Variants in DYNLT1 observed in about 807,000 individuals in gnomAD.
DYNLT1 encodes the protein dynein light chain Tctex-type 1.
DYNLT1 carries 18 observed loss-of-function variants against 19.6 expected under a neutral mutation model. That is an observed-to-expected ratio of 0.92 (90% CI 0.64 to 1.36). The LOEUF (loss-of-function observed/expected upper bound fraction) is 1.36. Among genes scored for constraint, DYNLT1 ranks in the 40% most tolerant of loss-of-function variants. DYNLT1 has a pLI of 0.00. For synonymous variants in DYNLT1, 56 were observed against 44.0 expected (o/e 1.27, Z -1.07); for missense variants, 137 against 139.3 (o/e 0.98, Z 0.08).
chr6:158,637,047 ATGCAT>A (rs1184642831), intron 4 of DYNLT1, 76 bp downstream of exon 4: 3 of 1,570,722 alleles, frequency 1.9e-6, no homozygotes, highest in Non-Finnish European at 2.6e-6. Context: ...GGTGATAAAC[ATGCAT>A]TGCATTCAAA....
At chr6:158,642,194 T>A (rs1787149775) in intron 1 of DYNLT1, 1 of 152,242 alleles carries the variant, frequency 6.6e-6, no homozygotes, top group Non-Finnish European at 1.5e-5. Flanking sequence ...ACTCCAGGAC[T>A]AACCACCAGC....
At chr6:158,638,992 G>A (rs1415899305) in intron 2 of DYNLT1, among the ~76,000 whole-genome samples, 2 of 152,122 alleles carry the variant, frequency 1.3e-5, no homozygotes, top group Non-Finnish European at 2.9e-5. Flanking sequence ...AGGAACCTGA[G>A]TTTCTATGAC....
rs1787006601 is a variant in DYNLT1, at chr6:158,636,746, A to G, written c.*81T>C. On this transcript the variant is annotated 3_prime_UTR_variant, in exon 5 of 5. Coordinates refer to ENST00000367089, the MANE Select transcript of DYNLT1 (RefSeq NM_006519.4). ...GTGCCACAAAACAAAGAGAATGAGAAAAGAGTTCACTGAATTCATGGCTGG... is the reference window on the plus strand; with the variant it reads ...GTGCCACAAAACAAAGAGAATGAGAGAAGAGTTCACTGAATTCATGGCTGG... 1 of 1,448,468 alleles carries G rather than the reference A, an allele frequency of 6.9e-7. No individual in the cohort carries two copies. The highest frequency in any genetic ancestry group is 9.4e-7 in the Non-Finnish European group (1 of 1,060,658). 89.7% of individuals were successfully genotyped at this position (1,448,468 alleles called of 1,614,324 possible). A position where few individuals can be genotyped will look rare whatever the true frequency, so the allele number is the denominator to read the frequency against.
At chr6:158,637,972 C>A (rs1787053531) in intron 2 of DYNLT1, 78 bp from the exon 3 acceptor site, 1 of 1,555,160 alleles carries the variant, frequency 6.4e-7, no homozygotes, top group African/African-American at 1.4e-5. Context: ...CTGACGGCAC[C>A]CCAAGAAGTG....
intron 1 of DYNLT1, chr6:158,642,695 C>T (rs1002285989): frequency 2.6e-5 from 4 of 152,212 alleles, no homozygotes; most frequent in African/African-American, 9.7e-5. Flanking sequence ...TAAGTCATTT[C>T]TGGAAGCTTA....
intron 1 of DYNLT1, among the ~76,000 whole-genome samples, chr6:158,644,205 G>C (rs1787263450): frequency 6.6e-6 from 1 of 151,988 alleles, no homozygotes; most frequent in South Asian, 2.1e-4. Flanking sequence ...CGGGGCGGAG[G>C]GGCTGGCGGC....
intron 3 of DYNLT1, 131 bp downstream of exon 3, chr6:158,637,640 C>CA (rs1410594821): frequency 2.1e-6 from 3 of 1,426,088 alleles, no homozygotes; most frequent in Non-Finnish European, 3.0e-6. Context: ...GTATACTACA[C>CA]ACACGACCGA....
chr6:158,637,046 C>T, intron 4 of DYNLT1, 82 bp downstream of exon 4: 4 of 1,569,620 alleles, frequency 2.5e-6, no homozygotes, highest in African/African-American at 1.4e-5. Flanking sequence ...AGGTGATAAA[C>T]ATGCATTGCA....
intron 1 of DYNLT1, chr6:158,642,849 A>G (rs906111981): frequency 6.6e-6 from 1 of 152,248 alleles, no homozygotes; most frequent in Non-Finnish European, 1.5e-5. Context: ...AATCCAGTGG[A>G]TAGTTTTAAC....
At chr6:158,640,528 C>T (rs555875472) in intron 2 of DYNLT1, among the ~76,000 whole-genome samples, 80 of 152,274 alleles carry the variant, frequency 5.3e-4, no homozygotes, top group African/African-American at 1.8e-3. Context: ...GCCACACCCA[C>T]CTCCTTTCAC....
intron 3 of DYNLT1, 109 bp from the exon 4 acceptor site, chr6:158,637,314 C>A: frequency 2.0e-6 from 2 of 980,356 alleles, no homozygotes; most frequent in Non-Finnish European, 3.1e-6. Context: ...GGTTGATGTT[C>A]TCGATAAAAA....
intron 3 of DYNLT1, 140 bp downstream of exon 3, chr6:158,637,631 T>C: frequency 7.5e-7 from 1 of 1,328,830 alleles, no homozygotes; most frequent in Non-Finnish European, 1.1e-6. Flanking sequence ...TACGCTAACG[T>C]ATACTACACA....
chr6:158,641,389 G>T lies in DYNLT1; in HGVS notation c.28-29C>A. On this transcript the variant is annotated intron_variant, in intron 1 of 4. Transcript: ENST00000367089. ...TAAGGAAGAACATTCAGTTAAGTTTGATTTATTTAAAAGATATTTCCACTA... is the reference window on the plus strand; with the variant it reads ...TAAGGAAGAACATTCAGTTAAGTTTTATTTATTTAAAAGATATTTCCACTA... 3 of 1,571,050 alleles carry T rather than the reference G, an allele frequency of 1.9e-6. No homozygotes were observed. In the South Asian group the frequency reaches 3.6e-5, roughly 19 times the overall value.
intron 2 of DYNLT1, 34 bp from the exon 3 acceptor site, chr6:158,637,928 A>C (rs1300763576): frequency 3.1e-6 from 5 of 1,596,186 alleles, no homozygotes; most frequent in Non-Finnish European, 4.2e-6. Flanking sequence ...GTCCCGGTTA[A>C]CCAAATGCAC....
Position 158,636,809 on chromosome 6 carries a change from C to T in DYNLT1, c.*18G>A, listed in dbSNP as rs1382424537. On this transcript the variant is annotated 3_prime_UTR_variant, in exon 5 of 5. Transcript: ENST00000367089. ...GAACTAGAGACAAAAGGAGAAAGGC[C>T]ATAGGCTGGACTGCAGGTCAAATAG... is the stretch of plus-strand genomic sequence containing the variant. The T allele has an allele frequency of 6.2e-7, 1 of 1,605,518 alleles. No homozygotes were observed. Among genetic ancestry groups the T allele is most frequent in the Admixed American group, 1.7e-5 (1 of 59,226 alleles).
At chr6:158,639,515 T>A (rs1170749627) in intron 2 of DYNLT1, among the ~76,000 whole-genome samples, 13 of 152,154 alleles carry the variant, frequency 8.5e-5, no homozygotes, top group Admixed American at 8.5e-4. Context: ...GAGGGAACCC[T>A]CCACCAATTT....
chr6:158,641,284 T>A, intron 2 of DYNLT1, 35 bp downstream of exon 2: 1 of 1,566,174 alleles, frequency 6.4e-7, no homozygotes. Flanking sequence ...ATATAAGCCA[T>A]TAAACATTTA....
At chr6:158,637,691 G>A (rs754405362) in intron 3 of DYNLT1, 80 bp downstream of exon 3, 2 of 1,610,544 alleles carry the variant, frequency 1.2e-6, no homozygotes, top group Non-Finnish European at 1.7e-6. Context: ...CACGTTAGCT[G>A]TTGTTTCTGG....
At chr6:158,637,439 A>G (rs1787034924) in intron 3 of DYNLT1, 1 of 617,022 alleles carries the variant, frequency 1.6e-6, no homozygotes, top group African/African-American at 1.9e-5. Context: ...TAAGTTGCAA[A>G]TGCACTTAAT....
Sources: gnomAD v4.1 joint callset for allele counts (sites outside exome capture counted in the v4.1 genomes callset) on GRCh38, gnomAD v4.1.1 for gene constraint, MANE v1.5 for transcripts, NCBI Gene and HGNC (gene_info 2026-07-23, HGNC 2026-07-21) for gene names.